BICDL1: variants seen among roughly 807,000 people sequenced by gnomAD.
BICDL1 encodes BICD family-like cargo adapter 1.
Under a neutral mutation model 76.8 loss-of-function variants are expected in BICDL1, and 20 were observed. The observed-to-expected ratio is 0.26, with a 90% CI of 0.18 to 0.38. BICDL1 has a LOEUF of 0.38. Ranked by LOEUF, BICDL1 falls within the 10% of genes least tolerant of loss-of-function variation. The probability of loss-of-function intolerance (pLI) is 1.00; values close to 1 mark genes in which losing one functional copy is unlikely to be tolerated. For synonymous variants in BICDL1, 383 were observed against 337.1 expected (o/e 1.14, Z -1.49); for missense variants, 700 against 798.6 (o/e 0.88, Z 1.49).
chr12:120,077,134 T>C lies in BICDL1; in HGVS notation c.1452+2548T>C, dbSNP rs73217388. ...CTGAGCCTGTCACCTGAGAGTGTTC[T>C]TTTCTCTCTTGAAAACTAGGCCAGA... is the stretch of plus-strand genomic sequence containing the variant. On this transcript the variant is annotated intron_variant, in intron 7 of 9. Transcript: ENST00000548673. 8.6e-3 allele frequency among the ~76,000 whole-genome samples: 1,316 copies of C among 152,328 alleles called. 13 individuals carry two copies. Among genetic ancestry groups the C allele is most frequent in the Non-Finnish European group, 0.011 (748 of 68,036 alleles).
At chr12:120,027,512 T>G (rs756646729) in intron 2 of BICDL1, among the ~76,000 whole-genome samples, 2 of 152,150 alleles carry the variant, frequency 1.3e-5, no homozygotes, top group South Asian at 2.1e-4. Flanking sequence ...GAATTAGGTG[T>G]TGTTATCCCG....
At chr12:120,030,076 T>G (rs1434269095) in intron 2 of BICDL1, among the ~76,000 whole-genome samples, 1 of 152,240 alleles carries the variant, frequency 6.6e-6, no homozygotes, top group Non-Finnish European at 1.5e-5. Context: ...AGTTGATAGA[T>G]GTATACATTG....
chr12:120,076,014 C>T, intron 7 of BICDL1, among the ~76,000 whole-genome samples: 1 of 152,206 alleles, frequency 6.6e-6, no homozygotes, highest in South Asian at 2.1e-4. Context: ...GAAAAATTAG[C>T]CCAGTGTGAT....
At chr12:120,090,884 GCT>G (rs756395844) in intron 9 of BICDL1, 538 of 1,288,834 alleles carry the variant, frequency 4.2e-4, no homozygotes, top group Middle Eastern at 8.6e-4. Flanking sequence ...GCTGACCGCT[GCT>G]CTCTCTCTTC....
At chr12:120,076,975 A>C (rs1873599768) in intron 7 of BICDL1, among the ~76,000 whole-genome samples, 1 of 152,254 alleles carries the variant, frequency 6.6e-6, no homozygotes, top group South Asian at 2.1e-4. Context: ...AGGACCCCAC[A>C]GTGCCAAGAG....
rs1566266392 is a variant in BICDL1, at chr12:120,081,034, T to C, written c.1583+17T>C. ...CATTGCAAAGTGAGTAGGGATGGCT[T>C]CACTTTATTCTTAAGATAAAGTTGA... On this transcript the variant is annotated intron_variant, in intron 8 of 9. Transcript: ENST00000548673. The C allele has an allele frequency of 1.2e-6, 2 of 1,610,896 alleles. No homozygotes were observed. The highest frequency in any genetic ancestry group is 1.7e-6 in the Non-Finnish European group (2 of 1,178,592).
intron 1 of BICDL1, 127 bp downstream of exon 1, chr12:119,990,424 G>T (rs1361144828): frequency 1.4e-6 from 2 of 1,468,504 alleles, no homozygotes; most frequent in East Asian, 2.5e-5. Flanking sequence ...AATCTGGAAT[G>T]AATGGGGGAG....
At chr12:120,092,677 G>C (rs1875079016) in intron 9 of BICDL1, 2 of 985,360 alleles carry the variant, frequency 2.0e-6, no homozygotes. Flanking sequence ...GGCCTGGTCA[G>C]AGCAGGTGGA....
Position 120,067,081 on chromosome 12 carries a change from T to C in BICDL1, c.909+2202T>C, listed in dbSNP as rs373308279. 2.0e-4 allele frequency among the ~76,000 whole-genome samples: 30 copies of C among 152,372 alleles called. No homozygotes were observed. In the East Asian group the frequency reaches 3.3e-3, roughly 17 times the overall value. ...ATCCAACTCTGAATTTTTTCAGACC[T>C]GAGAATAAGCATAAAAATTATTATT... On this transcript the variant is annotated intron_variant, in intron 4 of 9. Coordinates refer to ENST00000548673, the MANE Select transcript of BICDL1 (RefSeq NM_001367886.1).
chr12:120,005,782 A>G (rs1339956881), intron 2 of BICDL1, among the ~76,000 whole-genome samples: 1 of 152,190 alleles, frequency 6.6e-6, no homozygotes. Flanking sequence ...CATATAGCAC[A>G]TATGGAGGTA....
intron 3 of BICDL1, among the ~76,000 whole-genome samples, chr12:120,064,295 C>T (rs758182339): frequency 5.9e-5 from 9 of 152,266 alleles, no homozygotes; most frequent in East Asian, 5.8e-4. Flanking sequence ...TGTGAAAACA[C>T]GGCGCTCCAG....
At chr12:120,080,836 G>A in intron 7 of BICDL1, 51 bp from the exon 8 acceptor site, 1 of 1,596,454 alleles carries the variant, frequency 6.3e-7, no homozygotes. Context: ...CCTCTTGGAG[G>A]GAAAACCACC....
intron 2 of BICDL1, among the ~76,000 whole-genome samples, chr12:119,999,266 C>A (rs948154042): frequency 2.0e-5 from 3 of 152,102 alleles, no homozygotes; most frequent in Admixed American, 6.6e-5. Context: ...TTGACAATCA[C>A]TTAACTTGGG....
chr12:120,034,056 T>A (rs1168692250), intron 2 of BICDL1, among the ~76,000 whole-genome samples: 1 of 152,242 alleles, frequency 6.6e-6, no homozygotes, highest in Non-Finnish European at 1.5e-5. Context: ...TCTTTTGTAC[T>A]CGAGCATTTT....
chr12:120,066,202 C>A (rs1196443504), intron 4 of BICDL1, among the ~76,000 whole-genome samples: 1 of 152,200 alleles, frequency 6.6e-6, no homozygotes, highest in Non-Finnish European at 1.5e-5. Flanking sequence ...AGAATCGAGA[C>A]TGGAACCCTC....
intron 2 of BICDL1, among the ~76,000 whole-genome samples, chr12:120,061,197 A>G (rs1196813173): frequency 2.0e-5 from 3 of 152,236 alleles, no homozygotes; most frequent in Non-Finnish European, 4.4e-5. Flanking sequence ...TCCTTGAGGA[A>G]TGAGTGGCAA....
chr12:120,085,923 G>A (rs1874377286), intron 8 of BICDL1, among the ~76,000 whole-genome samples: 1 of 151,594 alleles, frequency 6.6e-6, no homozygotes, highest in Non-Finnish European at 1.5e-5. Flanking sequence ...AGGTGGGATG[G>A]AAGGTGGGGG....
chr12:120,028,593 T>C (rs1952357100), intron 2 of BICDL1, among the ~76,000 whole-genome samples: 1 of 151,704 alleles, frequency 6.6e-6, no homozygotes, highest in African/African-American at 2.4e-5. Flanking sequence ...GGAGAATCAC[T>C]TGAACCCAGA....
rs868286658 is a variant in BICDL1, at chr12:119,998,453, C to T, written c.430-68C>T. 5.9e-5 allele frequency: 83 copies of T among 1,398,438 alleles called. 3 individuals carry two copies. The African/African-American group carries it at 8.8e-4, about 15-fold the overall frequency. The allele number at this position is 1,398,438 out of a possible 1,614,324, so 86.6% of individuals were successfully genotyped here. Reference sequence around the variant, plus strand: ...CTAGGAAAAAGAAAAGTTGGGACAGCGCGGAGAGAAAAAATAAAAGGCTGT... The same window carrying T: ...CTAGGAAAAAGAAAAGTTGGGACAGTGCGGAGAGAAAAAATAAAAGGCTGT... On this transcript the variant is annotated intron_variant, in intron 1 of 9. Coordinates refer to ENST00000548673, the MANE Select transcript of BICDL1 (RefSeq NM_001367886.1).
Sources: allele counts gnomAD v4.1 joint callset (sites outside exome capture counted in the v4.1 genomes callset), GRCh38; gene constraint gnomAD v4.1.1; transcripts MANE v1.5; gene names NCBI Gene and HGNC (gene_info 2026-07-23, HGNC 2026-07-21).